PCYT2: variants seen among roughly 807,000 people sequenced by gnomAD.
PCYT2 encodes the protein phosphate cytidylyltransferase 2, ethanolamine, also known as ethanolamine-phosphate cytidylyltransferase.
In PCYT2, 33 loss-of-function variants were observed where a neutral mutation model predicts 50.0. The ratio of observed to expected loss-of-function variants is 0.66; its 90% confidence interval spans 0.50 to 0.88. The LOEUF is 0.88. PCYT2 is among the 40% of genes least tolerant of loss of function. PCYT2 has a pLI of 0.00. For synonymous variants in PCYT2, 240 were observed against 203.7 expected (o/e 1.18, Z -1.52); for missense variants, 430 against 519.7 (o/e 0.83, Z 1.68).
Position 81,902,418 on chromosome 17 carries a change from C to G in PCYT2, c.*2415G>C. Reference sequence around the variant, plus strand: ...GCGCCGCGGGGCTGCTGTCCGGCCTCCGCAGGTCCCCGTACGCGCGGCGCT... The same window carrying G: ...GCGCCGCGGGGCTGCTGTCCGGCCTGCGCAGGTCCCCGTACGCGCGGCGCT... On this transcript the variant is annotated 3_prime_UTR_variant, in exon 13 of 13. Coordinates refer to ENST00000538936, the MANE Select transcript of PCYT2 (RefSeq NM_002861.5). 7.4e-7 allele frequency: 1 copy of G among 1,351,598 alleles called. No homozygotes were observed. The highest frequency in any genetic ancestry group is 9.4e-7 in the Non-Finnish European group (1 of 1,059,380). The allele number at this position is 1,351,598 out of a possible 1,614,324, so 83.7% of individuals were successfully genotyped here.
chr17:81,902,159 C>T lies in PCYT2; in HGVS notation c.*2674G>A, dbSNP rs2039976405. On this transcript the variant is annotated 3_prime_UTR_variant, in exon 13 of 13. Transcript: ENST00000538936. ...CGCGCGCCCGCTGCACCCCAGCCCG[C>T]CCGCCGCCCCTCCCGGCCCTCCGCA... 2 of 995,578 alleles carry T rather than the reference C, an allele frequency of 2.0e-6. No individual in the cohort carries two copies. The highest frequency in any genetic ancestry group is 2.5e-6 in the Non-Finnish European group (2 of 786,992). 61.7% of individuals were successfully genotyped at this position (995,578 alleles called of 1,614,324 possible).
At position 81,909,555 on chromosome 17, in the gene PCYT2, C is replaced by T. The variant is rs199610600; in HGVS notation, c.137G>A (p.Arg46Gln). ...TACGATGAGGTAGTCACCCATGGCC[C>T]GTGCCTGGCGCAGCTGGTTGGAGTG... ...YGHSNQLRQA[R>Q]AMGDYLIVGV... The change falls in exon 2 of 13, where the codon CGG becomes CAG. Residue 46 changes from arginine (R) to glutamine (Q), a missense_variant. Arg to Gln is a conservative substitution (Grantham distance 43). This residue lies in a region of PCYT2 where 117 missense variants were observed against 163.9 expected (regional missense o/e 0.71). Coordinates refer to ENST00000538936, the MANE Select transcript of PCYT2 (RefSeq NM_002861.5). 270 of 1,613,742 alleles carry T rather than the reference C, an allele frequency of 1.7e-4. No homozygotes were observed. Among genetic ancestry groups the T allele is most frequent in the Non-Finnish European group, 2.0e-4 (235 of 1,179,858 alleles).
Position 81,902,631 on chromosome 17 carries a change from C to T in PCYT2, c.*2202G>A. The T allele has an allele frequency of 6.3e-7, 1 of 1,597,474 alleles. No individual in the cohort carries two copies. The highest frequency in any genetic ancestry group is 8.5e-7 in the Non-Finnish European group (1 of 1,174,800). ...TGCCTGCCCCCCAGGCTGTGTGCGTCCAGGACGTCGCCCCAAACCTGCAGA... is the reference window on the plus strand; with the variant it reads ...TGCCTGCCCCCCAGGCTGTGTGCGTTCAGGACGTCGCCCCAAACCTGCAGA... On this transcript the variant is annotated 3_prime_UTR_variant, in exon 13 of 13. Transcript: ENST00000538936.
rs772924800 is a variant in PCYT2 at position 81,906,902 on chromosome 17, C to T, written c.538-4G>A. 8.7e-6 allele frequency: 14 copies of T among 1,612,074 alleles called. No individual in the cohort carries two copies. The South Asian group carries it at 1.3e-4, about 15-fold the overall frequency. Reference sequence around the variant, plus strand: ...AGGGGTTCCGCCCACCAGGGCACTGCAAGCCAAGAGAGGGAGCAGGTTGGC... The same window carrying T: ...AGGGGTTCCGCCCACCAGGGCACTGTAAGCCAAGAGAGGGAGCAGGTTGGC... On this transcript the variant is annotated splice_polypyrimidine_tract_variant and splice_region_variant and intron_variant, in intron 6 of 12. Coordinates refer to ENST00000538936, the MANE Select transcript of PCYT2 (RefSeq NM_002861.5).
At chr17:81,907,398 G>T in intron 6 of PCYT2, 156 bp downstream of exon 6, 1 of 1,179,626 alleles carries the variant, frequency 8.5e-7, no homozygotes, top group Non-Finnish European at 1.2e-6. Context: ...ATCCACCAGT[G>T]AGCCAAACCT....
chr17:81,907,333 G>A (rs2040328787), intron 6 of PCYT2: 4 of 1,388,514 alleles, frequency 2.9e-6, no homozygotes, highest in Non-Finnish European at 2.9e-6. Context: ...CCTCCAAGCA[G>A]TGGCTGCCGT....
rs371892775 is a variant in PCYT2 at position 81,905,495 on chromosome 17, G to T, written c.904-48C>A. The T allele has an allele frequency of 3.3e-4, 505 of 1,527,884 alleles. 2 individuals carry two copies. The African/African-American group carries it at 6.4e-3, about 19-fold the overall frequency. The allele number at this position is 1,527,884 out of a possible 1,614,324, so 94.6% of individuals were successfully genotyped here. A position where few individuals can be genotyped will look rare whatever the true frequency, so the allele number is the denominator to read the frequency against. On this transcript the variant is annotated intron_variant, in intron 10 of 12. Transcript: ENST00000538936. Reference sequence around the variant, plus strand: ...AGCCCTCCCCGGGGAGGCAGCGGCCGTCGCCACCCACAGCCCAGCACAGGC... The same window carrying T: ...AGCCCTCCCCGGGGAGGCAGCGGCCTTCGCCACCCACAGCCCAGCACAGGC...
chr17:81,911,045 G>A (rs2040571561), intron 1 of PCYT2: 3 of 998,136 alleles, frequency 3.0e-6, no homozygotes, highest in Admixed American at 6.0e-5. Flanking sequence ...GTGACCGGGC[G>A]GGGCCTCCGC....
chr17:81,908,807 C>T, intron 3 of PCYT2, 69 bp downstream of exon 3: 1 of 1,480,572 alleles, frequency 6.8e-7, no homozygotes, highest in Middle Eastern at 1.8e-4. Flanking sequence ...TCCCGGATGT[C>T]CCACCAGCAG....
rs1039536225 is a variant in PCYT2, at chr17:81,903,517, T to C, written c.*1316A>G. 1.3e-5 allele frequency: 2 copies of C among 152,316 alleles called. No homozygotes were observed. Among genetic ancestry groups the C allele is most frequent in the African/African-American group, 4.8e-5 (2 of 41,422 alleles). 9.4% of individuals were successfully genotyped at this position (152,316 alleles called of 1,614,324 possible). ...GCAGCCCCTGTCCAGCACCAATCTGTCTATGGGGAACTGGCTGGTCCCTCT... is the reference window on the plus strand; with the variant it reads ...GCAGCCCCTGTCCAGCACCAATCTGCCTATGGGGAACTGGCTGGTCCCTCT... On this transcript the variant is annotated 3_prime_UTR_variant, in exon 13 of 13. Transcript: ENST00000538936.
intron 7 of PCYT2, 52 bp from the exon 8 acceptor site, chr17:81,906,598 C>T (rs1338036614): frequency 8.8e-6 from 14 of 1,588,496 alleles, no homozygotes; most frequent in Non-Finnish European, 1.2e-5. Context: ...GAGCAGCTCC[C>T]TGACAGCTCA....
intron 6 of PCYT2, 87 bp from the exon 7 acceptor site, chr17:81,906,985 G>T: frequency 7.0e-7 from 1 of 1,429,806 alleles, no homozygotes; most frequent in Non-Finnish European, 9.6e-7. Flanking sequence ...GCTGTCACCT[G>T]CCAGCAATCC....
intron 7 of PCYT2, 50 bp from the exon 8 acceptor site, chr17:81,906,596 C>T (rs769473301): frequency 1.9e-6 from 3 of 1,588,402 alleles, no homozygotes; most frequent in Non-Finnish European, 2.6e-6. Context: ...GGGAGCAGCT[C>T]CCTGACAGCT....
chr17:81,910,933 C>T, intron 1 of PCYT2: 1 of 988,504 alleles, frequency 1.0e-6, no homozygotes, highest in Middle Eastern at 2.9e-4. Context: ...GCCAGGGGAA[C>T]CCCTGGACCG....
chr17:81,910,757 G>A lies in PCYT2; in HGVS notation c.89+510C>T, dbSNP rs114853459. 4.7e-3 allele frequency: 1,878 copies of A among 396,106 alleles called. 32 individuals are homozygous for A. Among genetic ancestry groups the A allele is most frequent in the African/African-American group, 0.039 (1,788 of 46,060 alleles). 24.5% of individuals were successfully genotyped at this position (396,106 alleles called of 1,614,324 possible). ...AGTAACGGTCGTCTTCCTTTCACTT[G>A]TTGACAACCCGAAACTTTTCTTAAA... On this transcript the variant is annotated intron_variant, in intron 1 of 12. Coordinates refer to ENST00000538936, the MANE Select transcript of PCYT2 (RefSeq NM_002861.5).
rs1166130593 is a variant in PCYT2, at chr17:81,906,412, C to T, written c.759+52G>A. Reference sequence around the variant, plus strand: ...GCACCTAACAGCAACGCTTAGGGCCCCTCGAGGGCCCATCAGCTGCCCAGG... The same window carrying T: ...GCACCTAACAGCAACGCTTAGGGCCTCTCGAGGGCCCATCAGCTGCCCAGG... On this transcript the variant is annotated intron_variant, in intron 8 of 12. Transcript: ENST00000538936. The T allele has an allele frequency of 1.3e-5, 20 of 1,552,512 alleles. No individual in the cohort carries two copies. In the African/African-American group the frequency reaches 1.4e-4, roughly 11 times the overall value.
rs760543462 is a variant in PCYT2 at position 81,906,800 on chromosome 17, C to T, written c.636G>A (p.Gly212=). Reference sequence around the variant, plus strand: ...CACCAGCCACATAGATGACTGTCTCCCCTGGCTGGGGCTCCTTCCCAGAAG... The same window carrying T: ...CACCAGCCACATAGATGACTGTCTCTCCTGGCTGGGGCTCCTTCCCAGAAG... ...QFASGKEPQP[G]ETVIYVAGAF... Residue 212 remains glycine (G), a synonymous_variant, in exon 7 of 13, where the codon GGG becomes GGA. Transcript: ENST00000538936. 3.1e-6 allele frequency: 5 copies of T among 1,613,386 alleles called. No homozygotes were observed. In the African/African-American group the frequency reaches 4.0e-5, roughly 13 times the overall value.
At chr17:81,909,640 G>C (rs201199980) in intron 1 of PCYT2, 38 bp from the exon 2 acceptor site, 4 of 1,528,002 alleles carry the variant, frequency 2.6e-6, no homozygotes, top group Non-Finnish European at 2.7e-6. Context: ...CCTGTGCCAA[G>C]GGTGGGGACC....
At chr17:81,911,155 G>A (rs1270111752) in intron 1 of PCYT2, 112 bp downstream of exon 1, 2 of 1,003,776 alleles carry the variant, frequency 2.0e-6, no homozygotes, top group Non-Finnish European at 2.4e-6. Context: ...GCCCATGCCG[G>A]ACGAGGACGC....
Sources: allele counts gnomAD v4.1 joint callset, GRCh38; gene constraint gnomAD v4.1.1; regional missense constraint gnomAD v4.1.1; transcripts MANE v1.5; gene names NCBI Gene and HGNC (gene_info 2026-07-23, HGNC 2026-07-21).